Variants in NSUN6 observed in about 807,000 individuals in gnomAD.
NSUN6 encodes NOP2/Sun RNA methyltransferase 6, also known as tRNA (cytosine(72)-C(5))-methyltransferase NSUN6.
In NSUN6, 64 loss-of-function variants were observed where a neutral mutation model predicts 58.0. That is an observed-to-expected ratio of 1.10 (90% confidence interval 0.90 to 1.36). NSUN6 has a LOEUF of 1.36. Ranked by LOEUF, NSUN6 falls within the 40% of genes most tolerant of loss-of-function variation. The probability of loss-of-function intolerance (pLI) is 0.00; values close to 1 mark genes in which losing one functional copy is unlikely to be tolerated. For missense variants in NSUN6, 701 were observed against 550.1 expected (o/e 1.27, Z -2.74); for synonymous variants, 231 against 193.9 (o/e 1.19, Z -1.59).
intron 8 of NSUN6, among the ~76,000 whole-genome samples, chr10:18,566,422 A>ACAATCCATTCCGTTCAG (rs1338680447): frequency 2.1e-5 from 3 of 139,962 alleles, no homozygotes; most frequent in Non-Finnish European, 3.1e-5. Flanking sequence ...ATTCCATTCC[A>ACAATCCATTCCGTTCAG]CAATCCATTC....
intron 9 of NSUN6, among the ~76,000 whole-genome samples, chr10:18,548,914 G>A (rs1406324144): frequency 6.6e-6 from 1 of 152,006 alleles, no homozygotes; most frequent in African/African-American, 2.4e-5. Flanking sequence ...AGTCCTATTG[G>A]CTCTACCTTC....
chr10:18,642,566 T>G lies in NSUN6; in HGVS notation c.232-11A>C, dbSNP rs753408557. On this transcript the variant is annotated splice_polypyrimidine_tract_variant and intron_variant, in intron 2 of 10. Transcript: ENST00000377304. ...TAATCCATTAAACTGCTGTTAAAGA[T>G]AAACATGATTATAAAGTAATCCATA... is the stretch of plus-strand genomic sequence containing the variant. 1.5e-6 allele frequency: 2 copies of G among 1,296,986 alleles called. No homozygotes were observed. Among genetic ancestry groups the G allele is most frequent in the Non-Finnish European group, 1.1e-6 (1 of 895,310 alleles). The allele number at this position is 1,296,986 out of a possible 1,614,324, so 80.3% of individuals were successfully genotyped here. A position where few individuals can be genotyped will look rare whatever the true frequency, so the allele number is the denominator to read the frequency against.
At chr10:18,572,429 C>T (rs575771083) in intron 8 of NSUN6, among the ~76,000 whole-genome samples, 2 of 142,652 alleles carry the variant, frequency 1.4e-5, no homozygotes, top group South Asian at 2.1e-4. Context: ...TTCCATTCCC[C>T]ATTCCATTGT....
chr10:18,586,232 T>C (rs1256960348), intron 7 of NSUN6, 139 bp from the exon 8 acceptor site: 1 of 660,622 alleles, frequency 1.5e-6, no homozygotes, highest in South Asian at 2.2e-5. Context: ...AAAACCTCTA[T>C]CCATTAACCA....
intron 6 of NSUN6, among the ~76,000 whole-genome samples, chr10:18,598,143 C>T (rs1400842810): frequency 6.6e-6 from 1 of 152,186 alleles, no homozygotes; most frequent in Admixed American, 6.5e-5. Context: ...GTAATCTCCC[C>T]CACCCTTAAG....
intron 2 of NSUN6, among the ~76,000 whole-genome samples, chr10:18,644,695 C>A (rs546619222): frequency 8.6e-5 from 13 of 151,470 alleles, no homozygotes; most frequent in Non-Finnish European, 1.8e-4. Flanking sequence ...AAAAAATTAG[C>A]CGGGTGTGGT....
rs762373864 is a variant in NSUN6 at position 18,596,344 on chromosome 10, G to T, written c.658-17C>A. 14 of 1,516,114 alleles carry T rather than the reference G, an allele frequency of 9.2e-6. No homozygotes were observed. Among genetic ancestry groups the T allele is most frequent in the Non-Finnish European group, 1.2e-5 (13 of 1,092,082 alleles). The allele number at this position is 1,516,114 out of a possible 1,614,324, so 93.9% of individuals were successfully genotyped here. A position where few individuals can be genotyped will look rare whatever the true frequency, so the allele number is the denominator to read the frequency against. On this transcript the variant is annotated splice_polypyrimidine_tract_variant and intron_variant, in intron 6 of 10. Transcript: ENST00000377304. ...TGGCAAATTCTATAAGGAAAAAAAT[G>T]TAATCGATTATCAATAATCCTAAAG... is the stretch of plus-strand genomic sequence containing the variant.
chr10:18,548,754 T>C (rs2054436043), intron 9 of NSUN6, among the ~76,000 whole-genome samples: 1 of 152,138 alleles, frequency 6.6e-6, no homozygotes, highest in Admixed American at 6.5e-5. Context: ...AACATTTCTA[T>C]AATACTATCA....
chr10:18,601,963 ACT>A (rs2057859290), intron 6 of NSUN6, among the ~76,000 whole-genome samples: 1 of 137,722 alleles, frequency 7.3e-6, no homozygotes, highest in Non-Finnish European at 1.6e-5. Context: ...ACAGACTAAC[ACT>A]CTATCTCGGG....
At chr10:18,547,003 A>G (rs2054310391) in intron 10 of NSUN6, among the ~76,000 whole-genome samples, 1 of 152,218 alleles carries the variant, frequency 6.6e-6, no homozygotes, top group African/African-American at 2.4e-5. Context: ...AGCTTTATTT[A>G]ACAGTTTCCA....
intron 8 of NSUN6, among the ~76,000 whole-genome samples, chr10:18,555,436 G>A (rs1250700972): frequency 6.6e-6 from 1 of 151,080 alleles, no homozygotes; most frequent in Non-Finnish European, 1.5e-5. Context: ...ATGCATTGGA[G>A]AATGGAACAG....
chr10:18,589,001 C>T (rs1197910518), intron 7 of NSUN6, among the ~76,000 whole-genome samples: 1 of 152,054 alleles, frequency 6.6e-6, no homozygotes, highest in African/African-American at 2.4e-5. Flanking sequence ...TAACCCAATG[C>T]AAGGAAGCTA....
At chr10:18,565,928 A>G (rs1254149882) in intron 8 of NSUN6, among the ~76,000 whole-genome samples, 1 of 142,426 alleles carries the variant, frequency 7.0e-6, no homozygotes, top group Non-Finnish European at 1.5e-5. Context: ...ATTCCATTCC[A>G]TTCTCCCTCC....
At chr10:18,594,598 G>A (rs1022836520) in intron 7 of NSUN6, among the ~76,000 whole-genome samples, 1 of 152,078 alleles carries the variant, frequency 6.6e-6, no homozygotes, top group Admixed American at 6.5e-5. Context: ...ACAGGCACAC[G>A]CCACCATGCC....
chr10:18,651,947 C>T, upstream of NSUN6: 3 of 985,426 alleles, frequency 3.0e-6, no homozygotes, highest in Non-Finnish European at 3.6e-6. Flanking sequence ...GCCAGATGTC[C>T]TCCAGTTAGA....
intron 8 of NSUN6, among the ~76,000 whole-genome samples, chr10:18,564,540 T>C (rs543258966): frequency 2.3e-4 from 34 of 150,598 alleles, no homozygotes; most frequent in Admixed American, 2.1e-3. Context: ...CCCCATTCCA[T>C]TGTCCATTCC....
chr10:18,584,931 T>A (rs2057060975), intron 8 of NSUN6, among the ~76,000 whole-genome samples: 1 of 147,918 alleles, frequency 6.8e-6, no homozygotes, highest in Non-Finnish European at 1.5e-5. Context: ...AATTTAATAC[T>A]CAGTAAAACT....
chr10:18,625,570 G>A (rs1227845431), intron 3 of NSUN6, among the ~76,000 whole-genome samples: 4 of 151,744 alleles, frequency 2.6e-5, no homozygotes, highest in Non-Finnish European at 5.9e-5. Flanking sequence ...AAAGTCAGCC[G>A]GGTATGGTGG....
At chr10:18,594,251 A>G (rs1347258951) in intron 7 of NSUN6, among the ~76,000 whole-genome samples, 12 of 151,950 alleles carry the variant, frequency 7.9e-5, no homozygotes, top group African/African-American at 2.9e-4. Context: ...ATTTTAAAAC[A>G]TACTATGAAA....
Sources: allele counts gnomAD v4.1 joint callset (sites outside exome capture counted in the v4.1 genomes callset), GRCh38; gene constraint gnomAD v4.1.1; transcripts MANE v1.5; gene names NCBI Gene and HGNC (gene_info 2026-07-23, HGNC 2026-07-21).